Variants in BCAS3 observed in about 807,000 individuals in gnomAD.
BCAS3 encodes the protein BCAS3 microtubule associated cell migration factor.
In BCAS3, 53 loss-of-function variants were observed where a neutral mutation model predicts 116.1. The observed-to-expected ratio is 0.46, with a 90% CI of 0.37 to 0.57. The LOEUF is 0.57. BCAS3 is among the 20% of genes least tolerant of loss of function. BCAS3 has a pLI of 0.00. For missense variants in BCAS3, 917 were observed against 1,165.4 expected, an observed-to-expected ratio of 0.79 and a Z score of 3.10; for synonymous variants, 391 against 408.2, an observed-to-expected ratio of 0.96 and a Z score of 0.51.
At position 61,378,885 on chromosome 17, in the gene BCAS3, T is replaced by G. The variant is rs2059464516; in HGVS notation, c.2593+10391T>G. 1 of 152,286 alleles carries G rather than the reference T, an allele frequency of 6.6e-6. No homozygotes were observed. The highest frequency in any genetic ancestry group is 1.5e-5 in the Non-Finnish European group (1 of 68,074). 9.4% of individuals were successfully genotyped at this position (152,286 alleles called of 1,614,324 possible). On this transcript the variant is annotated intron_variant, in intron 23 of 23. Coordinates refer to ENST00000407086, the MANE Select transcript of BCAS3 (RefSeq NM_017679.5). The surrounding 1 kb of genome is among the most constrained non-coding windows in gnomAD (Gnocchi z 5.8). ...CAGGGGCAGAGCTGTAATGGGAGTTTGGGCTGAGACTCTCCTCTGCATATT... is the reference window on the plus strand; with the variant it reads ...CAGGGGCAGAGCTGTAATGGGAGTTGGGGCTGAGACTCTCCTCTGCATATT...
At position 61,388,707 on chromosome 17, in the gene BCAS3, A is replaced by G. The variant is rs2059976826; in HGVS notation, c.2594-3270A>G. The G allele has an allele frequency of 2.6e-6, 4 of 1,548,514 alleles. No individual in the cohort carries two copies. In the African/African-American group the frequency reaches 4.1e-5, roughly 16 times the overall value. ...CAAAGCATGCGTTCGGGATGGAGGA[A>G]GGTAAGGCCACACGTTTCCATTTGC... On this transcript the variant is annotated intron_variant, in intron 23 of 23. Coordinates refer to ENST00000407086, the MANE Select transcript of BCAS3 (RefSeq NM_017679.5). The surrounding 1 kb of genome is among the most constrained non-coding windows in gnomAD (Gnocchi z 6.5).
intron 22 of BCAS3, among the ~76,000 whole-genome samples, chr17:61,154,997 G>A (rs538453670): frequency 4.0e-5 from 6 of 148,708 alleles, no homozygotes; most frequent in African/African-American, 7.5e-5. Context: ...ATTTTTTCTT[G>A]AAATTTTCTT....
intron 6 of BCAS3, among the ~76,000 whole-genome samples, chr17:60,757,750 A>G (rs2043145169): frequency 6.6e-6 from 1 of 151,974 alleles, no homozygotes; most frequent in African/African-American, 2.4e-5. Flanking sequence ...GCTGTATGGA[A>G]GCCTTTTAGT....
chr17:61,037,810 A>G lies in BCAS3; in HGVS notation c.1763-79A>G, dbSNP rs918243646. On this transcript the variant is annotated intron_variant, in intron 17 of 23. Coordinates refer to ENST00000407086, the MANE Select transcript of BCAS3 (RefSeq NM_017679.5). This position sits in a 1 kb window ranked among gnomAD's most constrained non-coding sequence, Gnocchi z 4.7. ...GAGCAGCCTCAGGAGCAGACTAATAAGATCATTAACTTGTAAAAATTATTC... is the reference window on the plus strand; with the variant it reads ...GAGCAGCCTCAGGAGCAGACTAATAGGATCATTAACTTGTAAAAATTATTC... The G allele has an allele frequency of 3.8e-6, 5 of 1,320,916 alleles. No homozygotes were observed. The highest frequency in any genetic ancestry group is 5.2e-6 in the Non-Finnish European group (5 of 957,214). 81.8% of individuals were successfully genotyped at this position (1,320,916 alleles called of 1,614,324 possible). A position where few individuals can be genotyped will look rare whatever the true frequency, so the allele number is the denominator to read the frequency against.
At chr17:60,787,115 C>T (rs544768381) in intron 6 of BCAS3, among the ~76,000 whole-genome samples, 2 of 152,188 alleles carry the variant, frequency 1.3e-5, no homozygotes, top group East Asian at 1.9e-4. Context: ...TATTATTTGC[C>T]ACTAAACATA....
intron 5 of BCAS3, among the ~76,000 whole-genome samples, chr17:60,734,057 A>T (rs1262584510): frequency 1.3e-5 from 2 of 152,108 alleles, no homozygotes; most frequent in Non-Finnish European, 2.9e-5. Flanking sequence ...CTATTGGTGT[A>T]TCAAAAAAGT....
Position 61,228,028 on chromosome 17 carries a change from G to GC in BCAS3, c.2426-140299_2426-140298insC, listed in dbSNP as rs1459081817. 6.6e-6 allele frequency among the ~76,000 whole-genome samples: 1 copy of GC among 152,042 alleles called. No individual in the cohort carries two copies. The highest frequency in any genetic ancestry group is 1.5e-5 in the Non-Finnish European group (1 of 68,026). ...ACTGTCCTTTCCAATTTCCAGCACA[G>GC]GTTTTGCATCTGGTTTTCCTAAGAA... On this transcript the variant is annotated intron_variant, in intron 22 of 23. Transcript: ENST00000407086. This position sits in a 1 kb window ranked among gnomAD's most constrained non-coding sequence, Gnocchi z 5.0.
In BCAS3 at chr17:61,199,604, T is replaced by C. The variant is rs2080700663; in HGVS notation, c.2425+115040T>C. 6.6e-6 allele frequency among the ~76,000 whole-genome samples: 1 copy of C among 152,232 alleles called. No individual in the cohort carries two copies. On this transcript the variant is annotated intron_variant, in intron 22 of 23. Coordinates refer to ENST00000407086, the MANE Select transcript of BCAS3 (RefSeq NM_017679.5). The surrounding 1 kb of genome is among the most constrained non-coding windows in gnomAD (Gnocchi z 4.6). The stretch of plus-strand genomic sequence containing the variant: ...GGGATAATAACTGTGATGAACAAGT[T>C]ATTCAAGAAATACTTGCAAGGTGGA...
At chr17:61,374,603 A>G (rs1038588887) in intron 23 of BCAS3, among the ~76,000 whole-genome samples, 6 of 152,180 alleles carry the variant, frequency 3.9e-5, no homozygotes, top group African/African-American at 1.4e-4. Context: ...AAGATAGGAA[A>G]AGGCTTCATC....
intron 5 of BCAS3, among the ~76,000 whole-genome samples, chr17:60,742,986 G>T (rs186451719): frequency 0.011 from 1,622 of 151,100 alleles, 35 homozygotes; most frequent in African/African-American, 0.037. Context: ...GGTGGCACGT[G>T]CCTGTAGTCC....
At chr17:60,825,480 A>G (rs1323230709) in intron 7 of BCAS3, among the ~76,000 whole-genome samples, 1 of 148,702 alleles carries the variant, frequency 6.7e-6, no homozygotes, top group Non-Finnish European at 1.5e-5. Flanking sequence ...AATACCACAA[A>G]CTTGGTAATT....
At chr17:60,798,128 T>A (rs1391861340) in intron 6 of BCAS3, among the ~76,000 whole-genome samples, 2 of 152,224 alleles carry the variant, frequency 1.3e-5, no homozygotes, top group Non-Finnish European at 2.9e-5. Flanking sequence ...TGTATCATAG[T>A]GGTACATTTG....
chr17:61,090,517 G>A (rs558896038), intron 22 of BCAS3, among the ~76,000 whole-genome samples: 7 of 152,042 alleles, frequency 4.6e-5, no homozygotes, highest in African/African-American at 9.7e-5. Flanking sequence ...CTAATCTTTC[G>A]ACTATCTGCT....
rs1175042354 is a variant in BCAS3, at chr17:61,106,109, G to T, written c.2425+21545G>T. On this transcript the variant is annotated intron_variant, in intron 22 of 23. Coordinates refer to ENST00000407086, the MANE Select transcript of BCAS3 (RefSeq NM_017679.5). This position sits in a 1 kb window ranked among gnomAD's most constrained non-coding sequence, Gnocchi z 4.2. ...TTACTTAATGGCCCCAAAGCACAAGGGTTGATGCTGGCATATTGTTATAAT... is the reference window on the plus strand; with the variant it reads ...TTACTTAATGGCCCCAAAGCACAAGTGTTGATGCTGGCATATTGTTATAAT... Among the ~76,000 whole-genome samples the T allele has an allele frequency of 6.6e-6, 1 of 152,056 alleles. No homozygotes were observed. Among genetic ancestry groups the T allele is most frequent in the Non-Finnish European group, 1.5e-5 (1 of 68,008 alleles).
intron 6 of BCAS3, among the ~76,000 whole-genome samples, chr17:60,802,295 A>AAAAAATATAT (rs1299403402): frequency 4.6e-4 from 59 of 127,944 alleles, no homozygotes; most frequent in African/African-American, 1.9e-3. Flanking sequence ...AAAAAAAAAA[A>AAAAAATATAT]ATATATATAT....
At chr17:61,317,163 T>C (rs2054817790) in intron 22 of BCAS3, among the ~76,000 whole-genome samples, 1 of 152,242 alleles carries the variant, frequency 6.6e-6, no homozygotes, top group Non-Finnish European at 1.5e-5. Context: ...TTAGCTCTTA[T>C]GCCCTAGGTA....
chr17:60,826,037 T>A (rs1457038042), intron 7 of BCAS3, among the ~76,000 whole-genome samples: 1 of 151,822 alleles, frequency 6.6e-6, no homozygotes, highest in African/African-American at 2.4e-5. Context: ...TTTTTTTGTA[T>A]TTTTAGTAGA....
intron 2 of BCAS3, among the ~76,000 whole-genome samples, chr17:60,680,134 C>CAAAA (rs11442352): frequency 9.2e-6 from 1 of 108,360 alleles, no homozygotes; most frequent in Non-Finnish European, 1.7e-5. Context: ...ACTCTGTCTC[C>CAAAA]AAAAAAAAAA....
rs72834649 is a variant in BCAS3, at chr17:61,351,391, G to A, written c.2426-16936G>A. ...GTGTAAAGTGGTGAAAGCACCAACC[G>A]AAGGCCAGCTGGCTTCTGGGAGTAA... is the stretch of plus-strand genomic sequence containing the variant. On this transcript the variant is annotated intron_variant, in intron 22 of 23. Transcript: ENST00000407086. 2.2e-4 allele frequency among the ~76,000 whole-genome samples: 34 copies of A among 152,294 alleles called. 1 individual carries two copies. The highest frequency in any genetic ancestry group is 4.1e-4 in the Non-Finnish European group (28 of 68,018).
Sources: allele counts gnomAD v4.1 joint callset (sites outside exome capture counted in the v4.1 genomes callset), GRCh38; gene constraint gnomAD v4.1.1; non-coding constraint Gnocchi (gnomAD v3.1); transcripts MANE v1.5; gene names NCBI Gene and HGNC (gene_info 2026-07-23, HGNC 2026-07-21).